NPIPA9: variants seen among roughly 807,000 people sequenced by gnomAD.
NPIPA9 encodes the protein nuclear pore complex-interacting protein family member A9.
In NPIPA9 at chr16:18,367,402, TAGC is replaced by T. The variant is rs1485576982; in HGVS notation, c.192+853_192+855del. ...TCAAAAGACAAATTATGCCACAACT[TAGC>T]AGCCAAATTCTTACCAAGTATAGAC... On this transcript the variant is annotated intron_variant, in intron 4 of 9. Transcript: ENST00000427999. 1.4e-3 allele frequency among the ~76,000 whole-genome samples: 126 copies of T among 89,916 alleles called. 9 individuals are homozygous for T. The highest frequency in any genetic ancestry group is 2.3e-3 in the Non-Finnish European group (111 of 49,008). The allele number at this position is 89,916 out of a possible 152,430, so 59.0% of individuals were successfully genotyped here.
chr16:18,371,477 A>AAAAAAAAAAAAAAAG (rs1214808508), intron 3 of NPIPA9, among the ~76,000 whole-genome samples: 14 of 123,712 alleles, frequency 1.1e-4, no homozygotes, highest in African/African-American at 3.9e-4. Flanking sequence ...AAAAAAAAAA[A>AAAAAAAAAAAAAAAG]GTCATCAAAC....
At chr16:18,374,404 A>G (rs1420024122) in intron 2 of NPIPA9, 1 of 215,838 alleles carries the variant, frequency 4.6e-6, no homozygotes, top group Non-Finnish European at 8.6e-6. Context: ...ATTGCACTCC[A>G]GCCTGGGTGA....
intron 1 of NPIPA9, among the ~76,000 whole-genome samples, chr16:18,375,921 ATTT>A (rs1159220083): frequency 8.3e-3 from 2 of 242 alleles, no homozygotes; most frequent in African/African-American, 0.034. Flanking sequence ...TCTTTGTGGG[ATTT>A]TTTTTTTTTT....
rs1248323887 is a variant in NPIPA9 at position 18,375,146 on chromosome 16, C to G, written c.-307-77G>C. ...CAGGGATGAGAAGCCACCTCCTCAG[C>G]AGACAGGACAGAGCCCGGTGCCATC... On this transcript the variant is annotated intron_variant, in intron 1 of 9. Transcript: ENST00000427999. 9 of 561,420 alleles carry G rather than the reference C, an allele frequency of 1.6e-5. 2 individuals carry two copies. Among genetic ancestry groups the G allele is most frequent in the Non-Finnish European group, 2.8e-5 (9 of 322,000 alleles). The allele number at this position is 561,420 out of a possible 1,614,324, so 34.8% of individuals were successfully genotyped here.
Sources: gnomAD v4.1 joint callset for allele counts (sites outside exome capture counted in the v4.1 genomes callset) on GRCh38, gnomAD v4.1.1 for gene constraint, MANE v1.5 for transcripts, NCBI Gene and HGNC (gene_info 2026-07-23, HGNC 2026-07-21) for gene names.